Variants in NXPH4 observed in about 807,000 individuals in gnomAD.
NXPH4 encodes neurexophilin-4.
In NXPH4, 8 loss-of-function variants were observed where a neutral mutation model predicts 21.3. That is an observed-to-expected ratio of 0.38 (90% confidence interval 0.22 to 0.68). NXPH4 has a LOEUF of 0.68. NXPH4 is among the 30% of genes least tolerant of loss of function. NXPH4 has a pLI of 0.53. For missense variants in NXPH4, 418 were observed against 416.8 expected (o/e 1.00, Z -0.03); for synonymous variants, 219 against 192.6 (o/e 1.14, Z -1.13).
At chr12:57,219,856 C>G (rs975025877) in intron 1 of NXPH4, 2 of 152,474 alleles carry the variant, frequency 1.3e-5, no homozygotes, top group Admixed American at 1.3e-4. Context: ...GGTAGAGGAG[C>G]TGGAGACCCA....
chr12:57,222,445 GGGT>G (rs1192620519), intron 1 of NXPH4, among the ~76,000 whole-genome samples: 1 of 152,106 alleles, frequency 6.6e-6, no homozygotes, highest in Non-Finnish European at 1.5e-5. Context: ...CAAGACATAG[GGGT>G]GCTCTGGTCT....
At chr12:57,220,743 G>C (rs1436665709) in intron 1 of NXPH4, among the ~76,000 whole-genome samples, 1 of 152,012 alleles carries the variant, frequency 6.6e-6, no homozygotes, top group Non-Finnish European at 1.5e-5. Context: ...CCCTGTCTCT[G>C]TCCCCGTCTC....
chr12:57,225,843 GC>G lies in NXPH4; in HGVS notation c.*99del, dbSNP rs1483451526. 1.3e-6 allele frequency: 2 copies of G among 1,513,710 alleles called. No individual in the cohort carries two copies. The highest frequency in any genetic ancestry group is 1.8e-6 in the Non-Finnish European group (2 of 1,133,062). 93.8% of individuals were successfully genotyped at this position (1,513,710 alleles called of 1,614,324 possible). On this transcript the variant is annotated 3_prime_UTR_variant, in exon 2 of 2. Coordinates refer to ENST00000349394, the MANE Select transcript of NXPH4 (RefSeq NM_007224.4). Reference sequence around the variant, plus strand: ...GTTCTGCCGCTCCTGTGGCCATGTCGCCCACTCCTTCCACTCTGGGGGCGGA... The same window carrying G: ...GTTCTGCCGCTCCTGTGGCCATGTCGCCACTCCTTCCACTCTGGGGGCGGA...
chr12:57,216,849 C>A lies in NXPH4; in HGVS notation c.-121C>A. 1 of 430,622 alleles carries A rather than the reference C, an allele frequency of 2.3e-6. No homozygotes were observed. The highest frequency in any genetic ancestry group is 3.1e-6 in the Non-Finnish European group (1 of 325,772). 26.7% of individuals were successfully genotyped at this position (430,622 alleles called of 1,614,324 possible). On this transcript the variant is annotated 5_prime_UTR_variant, in exon 1 of 2. Transcript: ENST00000349394. The surrounding 1 kb of genome is among the most constrained non-coding windows in gnomAD (Gnocchi z 5.3). ...GCGGGCCGCGCCGCCGCTCCCGCCG[C>A]TCCCGCCGCTCCCGCCGCTCCCGCA...
intron 1 of NXPH4, 99 bp from the exon 2 acceptor site, chr12:57,224,779 T>A: frequency 2.1e-6 from 1 of 473,256 alleles, no homozygotes; most frequent in Non-Finnish European, 3.7e-6. Context: ...TTCCATTTGG[T>A]CTCCTAGCGG....
At chr12:57,218,697 C>T (rs533854301) in intron 1 of NXPH4, among the ~76,000 whole-genome samples, 22 of 152,270 alleles carry the variant, frequency 1.4e-4, no homozygotes, top group Non-Finnish European at 1.6e-4. Flanking sequence ...GTGGGGCCTC[C>T]GTGTTGGAGT....
At position 57,224,958 on chromosome 12, in the gene NXPH4, C is replaced by T. The variant is rs377450314; in HGVS notation, c.138C>T (p.Pro46=). ...LRPAAAGAGA[P]GQQLPEPRSS... The stretch of plus-strand genomic sequence containing the variant: ...CCGCCGCGGCCGGAGCGGGTGCCCC[C>T]GGCCAGCAGCTCCCAGAGCCAAGGT... Residue 46 remains proline, a synonymous_variant, in exon 2 of 2, where the codon CCC becomes CCT. Coordinates refer to ENST00000349394, the MANE Select transcript of NXPH4 (RefSeq NM_007224.4). 688 of 1,411,992 alleles carry T rather than the reference C, an allele frequency of 4.9e-4. No individual in the cohort carries two copies. The highest frequency in any genetic ancestry group is 5.7e-4 in the Non-Finnish European group (612 of 1,082,336). The allele number at this position is 1,411,992 out of a possible 1,614,324, so 87.5% of individuals were successfully genotyped here. A position where few individuals can be genotyped will look rare whatever the true frequency, so the allele number is the denominator to read the frequency against.
At chr12:57,222,221 G>T (rs896803879) in intron 1 of NXPH4, among the ~76,000 whole-genome samples, 2 of 152,160 alleles carry the variant, frequency 1.3e-5, no homozygotes, top group Admixed American at 1.3e-4. Context: ...TACAGTAGTG[G>T]GTGGGGGCGG....
chr12:57,226,197 A>C lies in NXPH4; in HGVS notation c.*450A>C, dbSNP rs2037146963. The C allele has an allele frequency of 7.7e-6, 3 of 387,828 alleles. No individual in the cohort carries two copies. Among genetic ancestry groups the C allele is most frequent in the Non-Finnish European group, 1.4e-5 (3 of 218,576 alleles). 24.0% of individuals were successfully genotyped at this position (387,828 alleles called of 1,614,324 possible). ...CCGCCTAAGACTGTAAAGGCCTAAAAACCTCGGCCTGTCCTCCCACCATTC... is the reference window on the plus strand; with the variant it reads ...CCGCCTAAGACTGTAAAGGCCTAAACACCTCGGCCTGTCCTCCCACCATTC... On this transcript the variant is annotated 3_prime_UTR_variant, in exon 2 of 2. Transcript: ENST00000349394.
chr12:57,223,599 C>T (rs898598413), intron 1 of NXPH4, among the ~76,000 whole-genome samples: 2 of 152,202 alleles, frequency 1.3e-5, no homozygotes, highest in Non-Finnish European at 2.9e-5. Context: ...CCCCATGGGA[C>T]CTGTGCACAG....
At position 57,226,247 on chromosome 12, in the gene NXPH4, T is replaced by C; in HGVS notation, c.*500T>C. On this transcript the variant is annotated 3_prime_UTR_variant, in exon 2 of 2. Transcript: ENST00000349394. ...CTGCCTGCCATATGCCTGTCCCCTT[T>C]TCCTCCAAACCCTATTAGGGTACCG... is the stretch of plus-strand genomic sequence containing the variant. 2.9e-6 allele frequency: 1 copy of C among 339,558 alleles called. No homozygotes were observed. 21.0% of individuals were successfully genotyped at this position (339,558 alleles called of 1,614,324 possible). A position where few individuals can be genotyped will look rare whatever the true frequency, so the allele number is the denominator to read the frequency against.
At chr12:57,222,305 G>T (rs1277834387) in intron 1 of NXPH4, among the ~76,000 whole-genome samples, 1 of 152,096 alleles carries the variant, frequency 6.6e-6, no homozygotes, top group Non-Finnish European at 1.5e-5. Flanking sequence ...CAGAGATGGG[G>T]GTGACACCCT....
At chr12:57,217,233 C>A (rs1051362802) in intron 1 of NXPH4, among the ~76,000 whole-genome samples, 2 of 152,150 alleles carry the variant, frequency 1.3e-5, no homozygotes, top group African/African-American at 4.8e-5. Flanking sequence ...GAGAGGGTGC[C>A]GGGCGGAGGT....
At chr12:57,219,587 A>G (rs1031759524) in intron 1 of NXPH4, among the ~76,000 whole-genome samples, 5 of 151,808 alleles carry the variant, frequency 3.3e-5, no homozygotes, top group African/African-American at 1.2e-4. Flanking sequence ...TCAGCCAGCT[A>G]CCCCCTCCTG....
chr12:57,223,957 T>C (rs1329498718), intron 1 of NXPH4, among the ~76,000 whole-genome samples: 3 of 152,054 alleles, frequency 2.0e-5, no homozygotes, highest in Admixed American at 2.0e-4. Flanking sequence ...TCCACCAGAG[T>C]GGAGCACTGG....
At chr12:57,224,333 T>TCTCGAACTGA (rs975894604) in intron 1 of NXPH4, among the ~76,000 whole-genome samples, 57 of 152,170 alleles carry the variant, frequency 3.7e-4, no homozygotes, top group Non-Finnish European at 5.7e-4. Flanking sequence ...GCCAGGCTGG[T>TCTCGAACTGA]CTCGAACTGA....
rs371735726 is a variant in NXPH4 at position 57,217,027 on chromosome 12, G to T, written c.57+1G>T. The T allele has an allele frequency of 2.5e-6, 4 of 1,605,536 alleles. No individual in the cohort carries two copies. The highest frequency in any genetic ancestry group is 3.4e-6 in the Non-Finnish European group (4 of 1,176,450). ...CTTTGGCCCGTGGCTCCTTAGGAAGGTAAGAGTGGCAGGGCTGGGGCGCTA... is the reference window on the plus strand; with the variant it reads ...CTTTGGCCCGTGGCTCCTTAGGAAGTTAAGAGTGGCAGGGCTGGGGCGCTA... On this transcript the variant is annotated splice_donor_variant, in intron 1 of 1. Transcript: ENST00000349394. LOFTEE classifies it high-confidence loss of function.
intron 1 of NXPH4, among the ~76,000 whole-genome samples, chr12:57,224,417 T>C (rs1311098630): frequency 6.6e-6 from 1 of 152,188 alleles, no homozygotes; most frequent in Admixed American, 6.5e-5. Flanking sequence ...TCACCGCGTG[T>C]GCCGGGCGGG....
In NXPH4 at chr12:57,225,875, A is replaced by G. The variant is rs535128875; in HGVS notation, c.*128A>G. On this transcript the variant is annotated 3_prime_UTR_variant, in exon 2 of 2. Transcript: ENST00000349394. ...CCTTCCACTCTGGGGGCGGAGGGGA[A>G]TGGCTTCTCGGGACCCTCAGCTAGC... 2 of 1,465,400 alleles carry G rather than the reference A, an allele frequency of 1.4e-6. No homozygotes were observed. Among genetic ancestry groups the G allele is most frequent in the Non-Finnish European group, 1.8e-6 (2 of 1,113,872 alleles). The allele number at this position is 1,465,400 out of a possible 1,614,324, so 90.8% of individuals were successfully genotyped here.
Sources: gnomAD v4.1 joint callset for allele counts (sites outside exome capture counted in the v4.1 genomes callset) on GRCh38, gnomAD v4.1.1 for gene constraint, Gnocchi (gnomAD v3.1) non-coding constraint, MANE v1.5 for transcripts, NCBI Gene and HGNC (gene_info 2026-07-23, HGNC 2026-07-21) for gene names.